The following SDCCAG8 variants were observed in gnomAD, a reference collection of about 807,000 sequenced individuals.
SDCCAG8 encodes serologically defined colon cancer antigen 8.
Under a neutral mutation model 101.8 loss-of-function variants are expected in SDCCAG8, and 74 were observed. The observed-to-expected ratio is 0.73, with a 90% CI of 0.60 to 0.88. SDCCAG8 has a LOEUF of 0.88. Ranked by LOEUF, SDCCAG8 falls within the 40% of genes least tolerant of loss-of-function variation. The pLI is 0.00. For synonymous variants in SDCCAG8, 281 were observed against 292.9 expected (o/e 0.96, Z 0.41); for missense variants, 787 against 822.6 (o/e 0.96, Z 0.53).
intron 13 of SDCCAG8, among the ~76,000 whole-genome samples, chr1:243,386,507 A>T (rs1451614684): frequency 6.6e-6 from 1 of 152,060 alleles, no homozygotes; most frequent in African/African-American, 2.4e-5. Context: ...TAATCCCAGC[A>T]CTTTGGGAGG....
chr1:243,432,416 A>G (rs536140752), intron 16 of SDCCAG8, among the ~76,000 whole-genome samples: 1 of 152,318 alleles, frequency 6.6e-6, no homozygotes, highest in Non-Finnish European at 1.5e-5. Context: ...ATCAGGACAA[A>G]TAACTAATGG....
intron 5 of SDCCAG8, among the ~76,000 whole-genome samples, chr1:243,291,620 G>T (rs1046514189): frequency 1.3e-5 from 2 of 152,216 alleles, no homozygotes; most frequent in South Asian, 4.1e-4. Flanking sequence ...AAAGGCAGAA[G>T]ATCGTAATAA....
intron 13 of SDCCAG8, among the ~76,000 whole-genome samples, chr1:243,385,741 G>A (rs1553336618): frequency 2.0e-5 from 3 of 151,648 alleles, no homozygotes; most frequent in South Asian, 2.1e-4. Context: ...AGGCCGAGGC[G>A]GGCGGATCAC....
intron 4 of SDCCAG8, among the ~76,000 whole-genome samples, chr1:243,285,867 C>G (rs756949619): frequency 3.3e-5 from 5 of 152,188 alleles, no homozygotes; most frequent in Non-Finnish European, 7.4e-5. Context: ...TATCTCAGAG[C>G]CTCCCTCTAT....
At chr1:243,426,850 A>T (rs955779177) in intron 16 of SDCCAG8, among the ~76,000 whole-genome samples, 1 of 152,206 alleles carries the variant, frequency 6.6e-6, no homozygotes, top group East Asian at 1.9e-4. Context: ...AGTTGGTAAT[A>T]TTGTAATATG....
Position 243,474,068 on chromosome 1 carries a change from T to A in SDCCAG8, c.1986-14946T>A, listed in dbSNP as rs1372223630. On this transcript the variant is annotated intron_variant, in intron 16 of 17. Transcript: ENST00000366541. The surrounding 1 kb of genome is among the most constrained non-coding windows in gnomAD (Gnocchi z 4.7). ...TCTTTGGCCTATTAGCCAAGATTTT[T>A]TTTTTCCTGTTTATTAAAATTTGAG... 6.6e-6 allele frequency among the ~76,000 whole-genome samples: 1 copy of A among 152,174 alleles called. No homozygotes were observed. Among genetic ancestry groups the A allele is most frequent in the East Asian group, 1.9e-4 (1 of 5,198 alleles).
intron 13 of SDCCAG8, among the ~76,000 whole-genome samples, chr1:243,405,054 C>T (rs761083629): frequency 4.6e-5 from 7 of 151,960 alleles, no homozygotes; most frequent in East Asian, 1.9e-4. Flanking sequence ...TTAGTAGAGA[C>T]GGGATTTCAC....
At chr1:243,258,433 C>G (rs1446245721) in intron 1 of SDCCAG8, among the ~76,000 whole-genome samples, 2 of 152,184 alleles carry the variant, frequency 1.3e-5, no homozygotes, top group Non-Finnish European at 2.9e-5. Context: ...GAGATGGAGT[C>G]TCACTCTGTC....
At chr1:243,280,680 G>A (rs1462081930) in intron 4 of SDCCAG8, among the ~76,000 whole-genome samples, 1 of 152,132 alleles carries the variant, frequency 6.6e-6, no homozygotes, top group Admixed American at 6.5e-5. Context: ...TTTGATTCAT[G>A]TGTGTCATTT....
chr1:243,405,719 C>T (rs1336440806), intron 13 of SDCCAG8, among the ~76,000 whole-genome samples: 2 of 151,876 alleles, frequency 1.3e-5, no homozygotes, highest in East Asian at 3.8e-4. Context: ...CTGGAAAATT[C>T]TCGTATGTGG....
chr1:243,316,910 G>A lies in SDCCAG8; in HGVS notation c.1068+17G>A, dbSNP rs564475323. ...AAAACCAAGGCAAGTCTAATAAGAT[G>A]CAAATAAAAGTGTCTTTCTTTTTTT... On this transcript the variant is annotated intron_variant, in intron 9 of 17. Coordinates refer to ENST00000366541, the MANE Select transcript of SDCCAG8 (RefSeq NM_006642.5). 1 of 1,611,342 alleles carries A rather than the reference G, an allele frequency of 6.2e-7. No homozygotes were observed.
intron 16 of SDCCAG8, among the ~76,000 whole-genome samples, chr1:243,428,531 A>C (rs2081497188): frequency 6.6e-6 from 1 of 152,230 alleles, no homozygotes; most frequent in African/African-American, 2.4e-5. Flanking sequence ...GGAGATTTGC[A>C]ACAATTTGAA....
chr1:243,331,178 A>C (rs1390792751), intron 10 of SDCCAG8, among the ~76,000 whole-genome samples: 1 of 152,256 alleles, frequency 6.6e-6, no homozygotes, highest in Non-Finnish European at 1.5e-5. Context: ...TTACATGATG[A>C]ATAATGACGG....
chr1:243,449,165 T>C, intron 16 of SDCCAG8, among the ~76,000 whole-genome samples: 1 of 152,260 alleles, frequency 6.6e-6, no homozygotes, highest in East Asian at 1.9e-4. Flanking sequence ...TGCCTGGCTC[T>C]ACTTAGGCTA....
At chr1:243,307,061 GTT>G (rs576037723) in intron 7 of SDCCAG8, among the ~76,000 whole-genome samples, 5 of 135,464 alleles carry the variant, frequency 3.7e-5, no homozygotes, top group African/African-American at 5.4e-5. Flanking sequence ...GTTTTTTTTT[GTT>G]TTTTTTTTTT....
At chr1:243,415,929 G>A in intron 14 of SDCCAG8, 100 bp downstream of exon 14, 3 of 1,407,428 alleles carry the variant, frequency 2.1e-6, no homozygotes, top group Non-Finnish European at 2.9e-6. Flanking sequence ...CCTTTGGCTG[G>A]CCGAAGGGAG....
chr1:243,385,659 C>A (rs1018869833), intron 13 of SDCCAG8, among the ~76,000 whole-genome samples: 1 of 152,124 alleles, frequency 6.6e-6, no homozygotes, highest in South Asian at 2.1e-4. Flanking sequence ...ACAAGTATCA[C>A]CTCGGAGGTT....
intron 14 of SDCCAG8, 36 bp from the exon 15 acceptor site, chr1:243,417,932 C>T (rs1283187059): frequency 2.7e-5 from 39 of 1,465,432 alleles, no homozygotes; most frequent in Non-Finnish European, 3.5e-5. Context: ...CAACCATAAA[C>T]ATCTTATGTT....
intron 13 of SDCCAG8, among the ~76,000 whole-genome samples, chr1:243,394,580 A>G (rs2078922857): frequency 6.6e-6 from 1 of 152,232 alleles, no homozygotes; most frequent in South Asian, 2.1e-4. Context: ...CAAATAAACC[A>G]GAGAAAATTA....
Sources: allele counts gnomAD v4.1 joint callset (sites outside exome capture counted in the v4.1 genomes callset), GRCh38; gene constraint gnomAD v4.1.1; non-coding constraint Gnocchi (gnomAD v3.1); transcripts MANE v1.5; gene names NCBI Gene and HGNC (gene_info 2026-07-23, HGNC 2026-07-21).